ACBD5: variants seen among roughly 807,000 people sequenced by gnomAD.
The protein encoded by ACBD5 is acyl-CoA-binding domain-containing protein 5.
Under a neutral mutation model 71.8 loss-of-function variants are expected in ACBD5, and 40 were observed. The observed-to-expected ratio is 0.56, with a 90% CI of 0.43 to 0.72. The LOEUF (loss-of-function observed/expected upper bound fraction) is 0.72, where lower values mean the gene tolerates loss of function less well. Among genes scored for constraint, ACBD5 ranks in the 30% least tolerant of loss-of-function variants. The probability of loss-of-function intolerance (pLI) is 0.00; values close to 1 mark genes in which losing one functional copy is unlikely to be tolerated. For missense variants in ACBD5, 559 were observed against 644.5 expected (o/e 0.87, Z 1.44); for synonymous variants, 229 against 218.6 (o/e 1.05, Z -0.42).
At chr10:27,186,679 C>A in intron 13 of ACBD5, 1 of 791,684 alleles carries the variant, frequency 1.3e-6, no homozygotes, top group South Asian at 1.5e-5. Flanking sequence ...TTACAGCTTT[C>A]ACAGAGTTAA....
chr10:27,196,715 TC>T lies in ACBD5; in HGVS notation c.*714del. 2.2e-6 allele frequency: 1 copy of T among 454,504 alleles called. No individual in the cohort carries two copies. Among genetic ancestry groups the T allele is most frequent in the Non-Finnish European group, 4.4e-6 (1 of 226,784 alleles). The allele number at this position is 454,504 out of a possible 1,614,324, so 28.2% of individuals were successfully genotyped here. A position where few individuals can be genotyped will look rare whatever the true frequency, so the allele number is the denominator to read the frequency against. ...AAAACCTGATTAATCATCTACAGGC[TC>T]AGAATACACTTTTAAACCTACATGA... On this transcript the variant is annotated 3_prime_UTR_variant, in exon 13 of 13. Coordinates refer to ENST00000396271, the MANE Select transcript of ACBD5 (RefSeq NM_145698.5).
At chr10:27,184,700 G>A (rs1005199428) in intron 13 of ACBD5, among the ~76,000 whole-genome samples, 1 of 151,272 alleles carries the variant, frequency 6.6e-6, no homozygotes, top group African/African-American at 2.4e-5. Context: ...AGCTGGGACT[G>A]CAGCTGCATC....
chr10:27,212,353 C>T lies in ACBD5; in HGVS notation c.937-1272G>A, dbSNP rs61849038. On this transcript the variant is annotated intron_variant, in intron 8 of 12. Transcript: ENST00000396271. ...GTCAGACAGCCCCTTGAGCTTTAGT[C>T]CATCAACTGATTGAGAGAGAAAACA... Among the ~76,000 whole-genome samples the T allele has an allele frequency of 3.2e-3, 489 of 152,158 alleles. 2 individuals are homozygous for T. Among genetic ancestry groups the T allele is most frequent in the Admixed American group, 6.3e-3 (96 of 15,256 alleles).
rs554871987 is a variant in ACBD5, at chr10:27,223,402, G to A, written c.426C>T (p.Val142=). Residue 142 remains valine (V), a synonymous_variant, in exon 5 of 13, where the codon GTC becomes GTT. Coordinates refer to ENST00000396271, the MANE Select transcript of ACBD5 (RefSeq NM_145698.5). ...MTEKVEELLR[V]IGPFYEIVED... ...CGACAATTTCATAAAATGGACCTAT[G>A]ACACGCAGCAATTCTTCAACTTTCT... The A allele has an allele frequency of 2.5e-6, 4 of 1,613,808 alleles. No homozygotes were observed. The South Asian group carries it at 4.4e-5, about 18-fold the overall frequency.
At chr10:27,231,874 C>G in intron 3 of ACBD5, 54 bp from the exon 4 acceptor site, 1 of 1,509,076 alleles carries the variant, frequency 6.6e-7, no homozygotes, top group African/African-American at 1.4e-5. Context: ...TTTAATTGCT[C>G]AGAATACAAT....
At chr10:27,199,401 T>G (rs2136561156) in intron 12 of ACBD5, among the ~76,000 whole-genome samples, 1 of 152,182 alleles carries the variant, frequency 6.6e-6, no homozygotes, top group South Asian at 2.1e-4. Context: ...TAAATCACTG[T>G]CTTCAGAACT....
At chr10:27,235,017 C>A in intron 3 of ACBD5, 75 bp downstream of exon 3, 2 of 1,426,494 alleles carry the variant, frequency 1.4e-6, no homozygotes, top group Non-Finnish European at 9.8e-7. Context: ...TAATATATAA[C>A]CACTTAAGTA....
intron 13 of ACBD5, among the ~76,000 whole-genome samples, chr10:27,184,251 C>T (rs2058500756): frequency 6.6e-6 from 1 of 152,116 alleles, no homozygotes; most frequent in African/African-American, 2.4e-5. Flanking sequence ...AGTGATGGCA[C>T]GAGACTTCTT....
downstream of ACBD5, among the ~76,000 whole-genome samples, chr10:27,194,648 TAAG>T: frequency 6.7e-6 from 1 of 148,600 alleles, no homozygotes; most frequent in African/African-American, 2.5e-5. Context: ...ATAATAATAA[TAAG>T]ATGGTTGATT....
In ACBD5 at chr10:27,215,667, G is replaced by A. The variant is rs757566939; in HGVS notation, c.830-26C>T. ...CTAAATATGAACAAAAGTGCAGATA[G>A]GGTAATTATACTATAGTAGAAGAAA... is the stretch of plus-strand genomic sequence containing the variant. On this transcript the variant is annotated intron_variant, in intron 7 of 12. Coordinates refer to ENST00000396271, the MANE Select transcript of ACBD5 (RefSeq NM_145698.5). 2.1e-5 allele frequency: 32 copies of A among 1,504,932 alleles called. 1 individual carries two copies. In the Admixed American group the frequency reaches 5.5e-4, roughly 26 times the overall value. 93.2% of individuals were successfully genotyped at this position (1,504,932 alleles called of 1,614,324 possible). A position where few individuals can be genotyped will look rare whatever the true frequency, so the allele number is the denominator to read the frequency against.
chr10:27,204,355 A>G (rs2060244125), intron 12 of ACBD5, 85 bp downstream of exon 12: 4 of 931,328 alleles, frequency 4.3e-6, no homozygotes, highest in Non-Finnish European at 7.0e-6. Context: ...AAATGGACCT[A>G]GCATCCCTTA....
chr10:27,240,901 C>A (rs2065423883), upstream of ACBD5: 1 of 682,676 alleles, frequency 1.5e-6, no homozygotes, highest in Non-Finnish European at 2.4e-6. The surrounding 1 kb of genome is among the most constrained non-coding windows in gnomAD (Gnocchi z 4.1). Context: ...CCACCCGACC[C>A]GCCGCCGCGG....
chr10:27,231,962 C>T (rs1019066902), intron 3 of ACBD5, 142 bp from the exon 4 acceptor site: 4 of 768,200 alleles, frequency 5.2e-6, no homozygotes, highest in South Asian at 1.5e-5. Context: ...AAATGTGCTA[C>T]CATGAAGAAA....
At chr10:27,193,630 T>C (rs143755395), downstream of ACBD5, 1 of 152,322 alleles carries the variant, frequency 6.6e-6, no homozygotes, top group African/African-American at 2.4e-5. Context: ...CAACTGTTAA[T>C]TGCTTTCTGC....
intron 6 of ACBD5, among the ~76,000 whole-genome samples, chr10:27,218,496 G>A (rs7084392): frequency 0.07 from 10,594 of 152,132 alleles, 694 homozygotes; most frequent in African/African-American, 0.17. Context: ...CTAGCAGTGC[G>A]AAGGGGTCCA....
At chr10:27,183,720 GT>G (rs771575612) in intron 13 of ACBD5, among the ~76,000 whole-genome samples, 2 of 151,754 alleles carry the variant, frequency 1.3e-5, no homozygotes, top group Non-Finnish European at 2.9e-5. Context: ...TCTTTTTTTG[GT>G]TTTGGGATTT....
intron 9 of ACBD5, 65 bp downstream of exon 9, chr10:27,210,749 G>A: frequency 6.2e-7 from 1 of 1,608,808 alleles, no homozygotes; most frequent in Non-Finnish European, 8.5e-7. Context: ...CAGAGCGCGA[G>A]ACTCCATCTC....
At chr10:27,236,362 T>C (rs1379382005) in intron 2 of ACBD5, among the ~76,000 whole-genome samples, 1 of 152,100 alleles carries the variant, frequency 6.6e-6, no homozygotes, top group Middle Eastern at 3.2e-3. Flanking sequence ...ATATGTAATA[T>C]GATACCTTTT....
intron 4 of ACBD5, among the ~76,000 whole-genome samples, chr10:27,228,437 TGTG>T (rs1564689062): frequency 6.6e-6 from 1 of 151,572 alleles, no homozygotes; most frequent in African/African-American, 2.4e-5. Context: ...ATTAGCCAGA[TGTG>T]GTGGTTTGCG....
Sources: allele counts gnomAD v4.1 joint callset (sites outside exome capture counted in the v4.1 genomes callset), GRCh38; gene constraint gnomAD v4.1.1; non-coding constraint Gnocchi (gnomAD v3.1); transcripts MANE v1.5; gene names NCBI Gene and HGNC (gene_info 2026-07-23, HGNC 2026-07-21).